ZCCHC9: variants seen among roughly 807,000 people sequenced by gnomAD.
The protein encoded by ZCCHC9 is zinc finger CCHC domain-containing protein 9.
Under a neutral mutation model 30.8 loss-of-function variants are expected in ZCCHC9, and 18 were observed. That is an observed-to-expected ratio of 0.58 (90% CI 0.40 to 0.87). The LOEUF (loss-of-function observed/expected upper bound fraction) is 0.87. Ranked by LOEUF, ZCCHC9 falls within the 40% of genes least tolerant of loss-of-function variation. The pLI is 0.00. For synonymous variants in ZCCHC9, 94 were observed against 106.7 expected (o/e 0.88, Z 0.73); for missense variants, 279 against 331.2 (o/e 0.84, Z 1.22).
chr5:81,312,161 C>A (rs571267206), intron 5 of ZCCHC9, among the ~76,000 whole-genome samples: 5 of 152,322 alleles, frequency 3.3e-5, no homozygotes, highest in Admixed American at 2.0e-4. Flanking sequence ...ACAAGACTGA[C>A]AAGCAGATGT....
intron 1 of ZCCHC9, chr5:81,302,059 A>G (rs571078612): frequency 2.6e-5 from 4 of 152,386 alleles, no homozygotes; most frequent in African/African-American, 9.6e-5. Context: ...TGCGCTGGTA[A>G]AGTGGCATGG....
chr5:81,306,286 G>C lies in ZCCHC9; in HGVS notation c.384+1145G>C, dbSNP rs187514608. 7.9e-5 allele frequency among the ~76,000 whole-genome samples: 12 copies of C among 152,270 alleles called. 1 individual carries two copies. The highest frequency in any genetic ancestry group is 2.6e-4 in the African/African-American group (11 of 41,556). Reference sequence around the variant, plus strand: ...TAAAATGTTAACAGCCTCTATAAATGTGTCTTTTGGCTGTTTGCAAGATTA... The same window carrying C: ...TAAAATGTTAACAGCCTCTATAAATCTGTCTTTTGGCTGTTTGCAAGATTA... On this transcript the variant is annotated intron_variant, in intron 2 of 5. Transcript: ENST00000407610.
intron 2 of ZCCHC9, among the ~76,000 whole-genome samples, chr5:81,305,799 C>T (rs1309278623): frequency 1.3e-5 from 2 of 152,240 alleles, no homozygotes; most frequent in East Asian, 3.9e-4. Flanking sequence ...CCAATAGCCC[C>T]TTTTTCAAAT....
chr5:81,309,853 G>A (rs1162031566), intron 4 of ZCCHC9, among the ~76,000 whole-genome samples: 2 of 152,142 alleles, frequency 1.3e-5, no homozygotes, highest in Non-Finnish European at 2.9e-5. Context: ...AAATCAGAAT[G>A]TATCTTACCG....
chr5:81,301,887 C>T (rs1757965536), intron 1 of ZCCHC9, 189 bp downstream of exon 1: 1 of 152,432 alleles, frequency 6.6e-6, no homozygotes, highest in African/African-American at 2.4e-5. Flanking sequence ...TGCGTCCAGC[C>T]GCCCTGGAAT....
intron 1 of ZCCHC9, chr5:81,302,599 C>T (rs1757988904): frequency 6.6e-6 from 1 of 152,252 alleles, no homozygotes; most frequent in African/African-American, 2.4e-5. Context: ...TGTACTTGCA[C>T]AAACCTACAC....
intron 1 of ZCCHC9, chr5:81,303,576 G>C (rs767356626): frequency 8.1e-5 from 13 of 159,958 alleles, no homozygotes; most frequent in Non-Finnish European, 2.7e-5. Context: ...AACATGAATG[G>C]AGCTGTCATC....
chr5:81,305,914 T>G (rs1758072117), intron 2 of ZCCHC9, among the ~76,000 whole-genome samples: 1 of 152,236 alleles, frequency 6.6e-6, no homozygotes, highest in Non-Finnish European at 1.5e-5. Context: ...TATGAAATAC[T>G]GAAGCACAGG....
chr5:81,308,808 C>T (rs1580495779), intron 3 of ZCCHC9, 97 bp downstream of exon 3: 2 of 1,477,126 alleles, frequency 1.4e-6, no homozygotes, highest in Non-Finnish European at 1.8e-6. Flanking sequence ...GAGTGTGCCA[C>T]TTAGTATTTG....
intron 1 of ZCCHC9, chr5:81,302,821 T>G (rs2112865803): frequency 6.6e-6 from 1 of 152,248 alleles, no homozygotes; most frequent in South Asian, 2.1e-4. Flanking sequence ...AGTGAGTCAG[T>G]GAGTGGTATG....
At chr5:81,309,165 T>A in intron 4 of ZCCHC9, 127 bp downstream of exon 4, 1 of 672,128 alleles carries the variant, frequency 1.5e-6, no homozygotes, top group Non-Finnish European at 2.4e-6. Context: ...ATTACATTAT[T>A]TTTATCAAGT....
chr5:81,311,163 C>A (rs757567791), intron 4 of ZCCHC9, 48 bp from the exon 5 acceptor site: 2 of 1,601,694 alleles, frequency 1.2e-6, no homozygotes, highest in South Asian at 1.1e-5. Flanking sequence ...ATGTTAAAAA[C>A]CCCTTGCAAG....
intron 2 of ZCCHC9, among the ~76,000 whole-genome samples, chr5:81,305,407 T>C (rs998347557): frequency 8.5e-5 from 13 of 152,184 alleles, no homozygotes; most frequent in Admixed American, 5.9e-4. Context: ...TTAAATAACC[T>C]GTGGAAGCCA....
intron 4 of ZCCHC9, among the ~76,000 whole-genome samples, chr5:81,310,924 T>C (rs1272034868): frequency 6.6e-6 from 1 of 152,234 alleles, no homozygotes; most frequent in Admixed American, 6.5e-5. Flanking sequence ...TCCAGGCTTC[T>C]GTGCAATAGC....
intron 5 of ZCCHC9, 42 bp from the exon 6 acceptor site, chr5:81,312,502 T>C (rs1758320606): frequency 6.7e-7 from 1 of 1,496,880 alleles, no homozygotes. Context: ...ATGCATTTGA[T>C]TACTGTTTTT....
intron 5 of ZCCHC9, among the ~76,000 whole-genome samples, chr5:81,312,293 C>A (rs762678235): frequency 6.6e-6 from 1 of 152,220 alleles, no homozygotes; most frequent in Non-Finnish European, 1.5e-5. Flanking sequence ...AATGAAAGAG[C>A]TTTCTCATCA....
chr5:81,305,255 A>G (rs1758056667), intron 2 of ZCCHC9, 114 bp downstream of exon 2: 1 of 1,400,922 alleles, frequency 7.1e-7, no homozygotes, highest in African/African-American at 1.5e-5. Flanking sequence ...CCAGATTTAT[A>G]GAGCATCGTT....
chr5:81,311,233 C>G lies in ZCCHC9; in HGVS notation c.651C>G (p.Gly217=). ...TAGGTGGCGGTTGCAAACTTTGTGGCTCTGTGGAACATTTAAAGAAAGATT... is the reference window on the plus strand; with the variant it reads ...TAGGTGGCGGTTGCAAACTTTGTGGGTCTGTGGAACATTTAAAGAAAGATT... The part of the protein sequence containing the change: ...YADGGGCKLC[G]SVEHLKKDCP... The change falls in exon 5 of 6, where the codon GGC becomes GGG. Residue 217 remains glycine, a synonymous_variant. Transcript: ENST00000407610. 1 of 1,614,024 alleles carries G rather than the reference C, an allele frequency of 6.2e-7. No homozygotes were observed. The highest frequency in any genetic ancestry group is 8.5e-7 in the Non-Finnish European group (1 of 1,179,944).
chr5:81,311,063 G>A (rs1758267366), intron 4 of ZCCHC9, 148 bp from the exon 5 acceptor site: 2 of 763,768 alleles, frequency 2.6e-6, no homozygotes, highest in Admixed American at 4.1e-5. Context: ...GAATTAATAG[G>A]AATAGTGGCA....
Sources: gnomAD v4.1 joint callset for allele counts (sites outside exome capture counted in the v4.1 genomes callset) on GRCh38, gnomAD v4.1.1 for gene constraint, MANE v1.5 for transcripts, NCBI Gene and HGNC (gene_info 2026-07-23, HGNC 2026-07-21) for gene names.